Variants in BABAM2 observed in about 807,000 individuals in gnomAD.
The protein encoded by BABAM2 is BRISC and BRCA1-A complex member 2.
A neutral mutation model predicts 54.7 loss-of-function variants in BABAM2; 31 were observed. The ratio of observed to expected loss-of-function variants is 0.57; its 90% CI spans 0.43 to 0.77. The LOEUF (loss-of-function observed/expected upper bound fraction) is 0.77, where lower values mean the gene tolerates loss of function less well. BABAM2 is among the 30% of genes least tolerant of loss of function. The probability of loss-of-function intolerance (pLI) is 0.00; values close to 1 mark genes in which losing one functional copy is unlikely to be tolerated. For synonymous variants in BABAM2, 167 were observed against 162.9 expected, an observed-to-expected ratio of 1.03 and a Z score of -0.19; for missense variants, 364 against 455.8, an observed-to-expected ratio of 0.80 and a Z score of 1.83.
intron 7 of BABAM2, among the ~76,000 whole-genome samples, chr2:28,170,187 A>ACG (rs1491210540): frequency 6.6e-6 from 1 of 152,114 alleles, no homozygotes; most frequent in Non-Finnish European, 1.5e-5. Context: ...ATTTATTAAA[A>ACG]CAGACTTTAA....
intron 4 of BABAM2, among the ~76,000 whole-genome samples, chr2:27,999,481 C>T (rs1351544727): frequency 3.9e-5 from 6 of 152,114 alleles, no homozygotes; most frequent in East Asian, 1.9e-4. Flanking sequence ...GTAGAAAATA[C>T]GGTTACAAAA....
At chr2:28,264,105 T>A (rs964035255) in intron 10 of BABAM2, among the ~76,000 whole-genome samples, 9 of 152,226 alleles carry the variant, frequency 5.9e-5, no homozygotes, top group African/African-American at 2.2e-4. Flanking sequence ...AAGATACAAG[T>A]TTAGTTCCAT....
At chr2:27,979,849 G>C (rs1214924495) in intron 3 of BABAM2, among the ~76,000 whole-genome samples, 1 of 152,172 alleles carries the variant, frequency 6.6e-6, no homozygotes, top group East Asian at 1.9e-4. Flanking sequence ...TGGACAGGCT[G>C]TGTTCCTTCT....
intron 6 of BABAM2, among the ~76,000 whole-genome samples, chr2:28,089,783 G>A (rs1413674815): frequency 1.3e-5 from 2 of 152,096 alleles, no homozygotes; most frequent in Non-Finnish European, 1.5e-5. Flanking sequence ...ATTCAGTGCA[G>A]TAAAGTTAAA....
Position 28,025,262 on chromosome 2 carries a change from C to G in BABAM2, c.337C>G (p.Leu113Val). Reference sequence around the variant, plus strand: ...CTGGAATCCTTCAAATCCTGAATGTCTCTTACTTGTGGTGAAGGAACTTGT... The same window carrying G: ...CTGGAATCCTTCAAATCCTGAATGTGTCTTACTTGTGGTGAAGGAACTTGT... ...ASWNPSNPECLLLVVKELVQQ... is the reference protein window; with the variant it reads ...ASWNPSNPECVLLVVKELVQQ... The change falls in exon 5 of 12, where the codon CTC becomes GTC. Residue 113 changes from leucine to valine, a missense_variant. Physicochemically the swap from Leu to Val is conservative, Grantham distance 32. Transcript: ENST00000379624. The G allele has an allele frequency of 6.2e-7, 1 of 1,605,562 alleles. No homozygotes were observed. Among genetic ancestry groups the G allele is most frequent in the Non-Finnish European group, 8.5e-7 (1 of 1,177,912 alleles).
intron 10 of BABAM2, among the ~76,000 whole-genome samples, chr2:28,256,432 T>C (rs1157901524): frequency 6.6e-6 from 1 of 152,100 alleles, no homozygotes; most frequent in East Asian, 1.9e-4. Flanking sequence ...AAGATACACA[T>C]TTATGTAAAG....
At chr2:27,914,929 C>A (rs1666855746) in intron 2 of BABAM2, among the ~76,000 whole-genome samples, 1 of 150,524 alleles carries the variant, frequency 6.6e-6, no homozygotes, top group African/African-American at 2.4e-5. Flanking sequence ...CTAGATGCTT[C>A]CTGTCCTTGT....
intron 5 of BABAM2, among the ~76,000 whole-genome samples, chr2:28,037,882 A>G (rs1468249082): frequency 1.3e-5 from 2 of 152,228 alleles, no homozygotes; most frequent in African/African-American, 4.8e-5. Context: ...GGACATTGAT[A>G]CTTGGAAGAA....
intron 8 of BABAM2, among the ~76,000 whole-genome samples, chr2:28,237,943 G>A (rs1484645198): frequency 2.6e-5 from 4 of 151,966 alleles, no homozygotes; most frequent in Admixed American, 1.3e-4. Flanking sequence ...ACCTCCTCCC[G>A]GGTTCAAGCG....
rs1180554956 is a variant in BABAM2, at chr2:28,172,164, C to CT, written c.680+42791dup. Among the ~76,000 whole-genome samples, 4 of 151,720 alleles carry CT rather than the reference C, an allele frequency of 2.6e-5. No individual in the cohort carries two copies. In the East Asian group the frequency reaches 5.8e-4, roughly 22 times the overall value. On this transcript the variant is annotated intron_variant, in intron 7 of 11. Coordinates refer to ENST00000379624, the MANE Select transcript of BABAM2 (RefSeq NM_199191.3). ...CTATCCTTAATAGAATTGATCATTC[C>CT]TTTTTTTCTGGATCTGTAGCATCAT...
intron 7 of BABAM2, among the ~76,000 whole-genome samples, chr2:28,193,229 A>G (rs1204257938): frequency 1.3e-5 from 2 of 152,174 alleles, no homozygotes; most frequent in African/African-American, 2.4e-5. Flanking sequence ...AATTGGGCAC[A>G]TTAAAAAATT....
intron 10 of BABAM2, among the ~76,000 whole-genome samples, chr2:28,280,055 ATAAC>A (rs758452895): frequency 2.6e-5 from 4 of 151,916 alleles, no homozygotes; most frequent in African/African-American, 7.3e-5. Context: ...ATATCAAATC[ATAAC>A]TAATTTTTTT....
At chr2:27,932,406 G>A (rs888265117) in intron 3 of BABAM2, among the ~76,000 whole-genome samples, 1 of 152,008 alleles carries the variant, frequency 6.6e-6, no homozygotes, top group Non-Finnish European at 1.5e-5. Flanking sequence ...TTTCCCTAGG[G>A]ATTATATTTT....
At chr2:28,206,608 A>G (rs887268770) in intron 7 of BABAM2, among the ~76,000 whole-genome samples, 2 of 152,176 alleles carry the variant, frequency 1.3e-5, no homozygotes, top group Admixed American at 6.5e-5. Context: ...TCTTCTGGCC[A>G]AGTCTTGTGT....
intron 7 of BABAM2, among the ~76,000 whole-genome samples, chr2:28,195,880 C>A (rs1019853837): frequency 2.0e-5 from 3 of 152,180 alleles, no homozygotes; most frequent in Non-Finnish European, 4.4e-5. Context: ...TTCAAACAAA[C>A]CAAACACAGC....
chr2:28,128,880 G>C (rs1263178758), intron 6 of BABAM2, among the ~76,000 whole-genome samples: 1 of 152,156 alleles, frequency 6.6e-6, no homozygotes, highest in Non-Finnish European at 1.5e-5. Flanking sequence ...CAAGGTAGGT[G>C]TAAGAAAATT....
intron 2 of BABAM2, among the ~76,000 whole-genome samples, chr2:27,898,480 A>G (rs1406105786): frequency 1.3e-5 from 2 of 152,230 alleles, no homozygotes; most frequent in African/African-American, 2.4e-5. Context: ...TATCCATAAA[A>G]TGAACAATCA....
At chr2:28,001,110 A>T (rs1673547710) in intron 4 of BABAM2, among the ~76,000 whole-genome samples, 2 of 152,216 alleles carry the variant, frequency 1.3e-5, no homozygotes, top group African/African-American at 4.8e-5. Context: ...CTCACAGAGC[A>T]AGGAAATGTG....
At chr2:28,259,993 C>T (rs1684347854) in intron 10 of BABAM2, among the ~76,000 whole-genome samples, 4 of 152,112 alleles carry the variant, frequency 2.6e-5, no homozygotes, top group East Asian at 1.9e-4. Context: ...CTCTTCTTCC[C>T]GTATTCAAGT....
Sources: allele counts gnomAD v4.1 joint callset (sites outside exome capture counted in the v4.1 genomes callset), GRCh38; gene constraint gnomAD v4.1.1; transcripts MANE v1.5; gene names NCBI Gene and HGNC (gene_info 2026-07-23, HGNC 2026-07-21).